The following ARHGAP15 variants were observed in gnomAD, a reference collection of about 807,000 sequenced individuals.
ARHGAP15 encodes rho GTPase-activating protein 15.
In ARHGAP15, 51 loss-of-function variants were observed where a neutral mutation model predicts 63.7. That is an observed-to-expected ratio of 0.80 (90% CI 0.64 to 1.01). The LOEUF is 1.01. ARHGAP15 is among the 50% of genes least tolerant of loss of function. The pLI is 0.00. For missense variants in ARHGAP15, 560 were observed against 564.6 expected, an observed-to-expected ratio of 0.99 and a Z score of 0.08; for synonymous variants, 191 against 193.8, an observed-to-expected ratio of 0.99 and a Z score of 0.12.
chr2:143,571,593 AAT>A (rs1696455991), intron 11 of ARHGAP15, among the ~76,000 whole-genome samples: 1 of 152,168 alleles, frequency 6.6e-6, no homozygotes, highest in Admixed American at 6.5e-5. Flanking sequence ...CCCATGGAAT[AAT>A]TCCCTTTAAA....
chr2:143,648,100 G>T (rs553281414), intron 12 of ARHGAP15, among the ~76,000 whole-genome samples: 4 of 151,988 alleles, frequency 2.6e-5, no homozygotes, highest in Non-Finnish European at 5.9e-5. Context: ...CCCTGGGCAA[G>T]GTTGAACACT....
At chr2:143,657,069 G>C (rs552381385) in intron 12 of ARHGAP15, among the ~76,000 whole-genome samples, 3 of 152,050 alleles carry the variant, frequency 2.0e-5, no homozygotes, top group African/African-American at 7.2e-5. Context: ...ATTTGTGGCC[G>C]AGCGTGGTGG....
At chr2:143,470,821 A>G (rs1352303689) in intron 8 of ARHGAP15, among the ~76,000 whole-genome samples, 2 of 149,676 alleles carry the variant, frequency 1.3e-5, no homozygotes, top group East Asian at 4.0e-4. Flanking sequence ...TCCTGCTCCA[A>G]ACAGTTTCGC....
At chr2:143,730,070 T>C (rs1685457578) in intron 13 of ARHGAP15, among the ~76,000 whole-genome samples, 1 of 152,054 alleles carries the variant, frequency 6.6e-6, no homozygotes, top group Non-Finnish European at 1.5e-5. Context: ...TTACTTGGAG[T>C]GTTCTAATGA....
chr2:143,513,088 G>A (rs1370270765), intron 9 of ARHGAP15, among the ~76,000 whole-genome samples: 1 of 152,218 alleles, frequency 6.6e-6, no homozygotes, highest in Non-Finnish European at 1.5e-5. Flanking sequence ...CTTCTTGGGT[G>A]AGTACAGCAA....
chr2:143,533,989 T>G (rs925392513), intron 10 of ARHGAP15, among the ~76,000 whole-genome samples: 9 of 152,208 alleles, frequency 5.9e-5, no homozygotes, highest in Non-Finnish European at 1.2e-4. Flanking sequence ...TATACATCAC[T>G]GGCTCCATCT....
At chr2:143,269,147 A>G (rs1681145103) in intron 6 of ARHGAP15, among the ~76,000 whole-genome samples, 1 of 152,178 alleles carries the variant, frequency 6.6e-6, no homozygotes, top group Admixed American at 6.5e-5. Context: ...TTTATATAGA[A>G]ATTAAAAGCT....
intron 6 of ARHGAP15, among the ~76,000 whole-genome samples, chr2:143,312,554 G>A (rs1683499335): frequency 6.6e-6 from 1 of 151,950 alleles, no homozygotes; most frequent in South Asian, 2.1e-4. Flanking sequence ...AAACATTCAG[G>A]CCTTTAAACT....
At chr2:143,302,595 C>T (rs1279940005) in intron 6 of ARHGAP15, among the ~76,000 whole-genome samples, 2 of 151,870 alleles carry the variant, frequency 1.3e-5, no homozygotes, top group African/African-American at 4.8e-5. Context: ...CAAAAGTTGT[C>T]TAAAAGCAGA....
chr2:143,673,758 G>GTGTGTGTGTATA (rs1553520615), intron 12 of ARHGAP15, among the ~76,000 whole-genome samples: 3 of 22,128 alleles, frequency 1.4e-4, no homozygotes, highest in African/African-American at 2.4e-4. Flanking sequence ...GTGTGTGTGT[G>GTGTGTGTGTATA]TATATATATA....
chr2:143,546,925 A>T (rs4584970), intron 10 of ARHGAP15, among the ~76,000 whole-genome samples: 122,371 of 151,620 alleles, frequency 0.81, 49,472 homozygotes, highest in South Asian at 0.85. Flanking sequence ...AGATTTTTTT[A>T]AAAAAAAGAA....
At chr2:143,371,863 T>C (rs907065091) in intron 6 of ARHGAP15, among the ~76,000 whole-genome samples, 3 of 152,188 alleles carry the variant, frequency 2.0e-5, no homozygotes, top group Admixed American at 6.5e-5. Context: ...AGCAACTTAA[T>C]GATTTATTCC....
chr2:143,135,728 C>T (rs1223362939), intron 1 of ARHGAP15, among the ~76,000 whole-genome samples: 2 of 152,068 alleles, frequency 1.3e-5, no homozygotes, highest in Non-Finnish European at 2.9e-5. Flanking sequence ...CTTTTTTCTT[C>T]CAGTTTTCCT....
At chr2:143,557,187 C>A (rs1285501841) in intron 11 of ARHGAP15, among the ~76,000 whole-genome samples, 1 of 152,120 alleles carries the variant, frequency 6.6e-6, no homozygotes, top group East Asian at 1.9e-4. Flanking sequence ...AAAACCTATA[C>A]ACAAATATTT....
chr2:143,425,399 A>T (rs961403728), intron 6 of ARHGAP15, among the ~76,000 whole-genome samples: 5 of 151,980 alleles, frequency 3.3e-5, no homozygotes, highest in African/African-American at 4.8e-5. Context: ...CATATTATAT[A>T]TAACTTTATA....
At chr2:143,270,826 G>C (rs1681242444) in intron 6 of ARHGAP15, among the ~76,000 whole-genome samples, 2 of 152,152 alleles carry the variant, frequency 1.3e-5, no homozygotes, top group South Asian at 4.1e-4. Flanking sequence ...GCTTTTGTAA[G>C]TAACCTCTTT....
intron 6 of ARHGAP15, among the ~76,000 whole-genome samples, chr2:143,385,296 GA>G (rs1337897891): frequency 1.3e-5 from 2 of 152,126 alleles, no homozygotes; most frequent in Non-Finnish European, 2.9e-5. Context: ...TAGATGGGTA[GA>G]GAAGCTTAAA....
At chr2:143,683,003 T>C (rs979048288) in intron 12 of ARHGAP15, 3 of 152,216 alleles carry the variant, frequency 2.0e-5, no homozygotes, top group African/African-American at 4.8e-5. Context: ...TTGGAATACA[T>C]TGTGGTTAAA....
chr2:143,431,539 G>A (rs897170617), intron 6 of ARHGAP15, among the ~76,000 whole-genome samples: 1 of 151,976 alleles, frequency 6.6e-6, no homozygotes, highest in African/African-American at 2.4e-5. Context: ...AACGTATCAT[G>A]ACCACCAGTT....
Sources: gnomAD v4.1 joint callset for allele counts (sites outside exome capture counted in the v4.1 genomes callset) on GRCh38, gnomAD v4.1.1 for gene constraint, MANE v1.5 for transcripts, NCBI Gene and HGNC (gene_info 2026-07-23, HGNC 2026-07-21) for gene names.